CELF2: variants seen among roughly 807,000 people sequenced by gnomAD.
The protein encoded by CELF2 is CUGBP Elav-like family member 2, also known as CUG triplet repeat RNA-binding protein 2.
CELF2 carries 8 observed loss-of-function variants against 62.6 expected under a neutral mutation model. That is an observed-to-expected ratio of 0.13 (90% CI 0.07 to 0.23). The LOEUF (loss-of-function observed/expected upper bound fraction) is 0.23. Among genes scored for constraint, CELF2 ranks in the 10% least tolerant of loss-of-function variants. The probability of loss-of-function intolerance (pLI) is 1.00; values close to 1 mark genes in which losing one functional copy is unlikely to be tolerated. For synonymous variants in CELF2, 258 were observed against 250.0 expected (o/e 1.03, Z -0.30); for missense variants, 333 against 671.0 (o/e 0.50, Z 5.56).
rs1046465619 is a variant in CELF2, at chr10:11,306,678, G to C, written c.977-7461G>C. On this transcript the variant is annotated intron_variant, in intron 9 of 12. Coordinates refer to ENST00000633077, the MANE Select transcript of CELF2 (RefSeq NM_001326342.2). The surrounding 1 kb of genome is among the most constrained non-coding windows in gnomAD (Gnocchi z 4.4). ...TGTCTGATGATGTAGAGTGCACAGG[G>C]AGTCTTTCCACTTTAAGGCAAGTCA... 6.6e-6 allele frequency among the ~76,000 whole-genome samples: 1 copy of C among 152,140 alleles called. No homozygotes were observed. The highest frequency in any genetic ancestry group is 2.4e-5 in the African/African-American group (1 of 41,414).
intron 1 of CELF2, among the ~76,000 whole-genome samples, chr10:11,148,195 C>T (rs753462414): frequency 3.3e-5 from 5 of 152,118 alleles, no homozygotes; most frequent in African/African-American, 4.8e-5. Context: ...GTATTTCAGC[C>T]GTACTAATAT....
chr10:10,547,296 T>A, the CELF2 span, among the ~76,000 whole-genome samples: 1 of 152,172 alleles, frequency 6.6e-6, no homozygotes, highest in African/African-American at 2.4e-5. Flanking sequence ...TGACCCACAG[T>A]GCCGAATGCC....
intron 2 of CELF2, among the ~76,000 whole-genome samples, chr10:10,974,643 C>G (rs2051129995): frequency 6.6e-6 from 1 of 152,220 alleles, no homozygotes. Flanking sequence ...GCCATCCCCT[C>G]TGGTTACGTG....
At position 10,983,859 on chromosome 10, in the gene CELF2, C is replaced by T. The variant is rs150835826; in HGVS notation, c.89+63860C>T. ...GGATTACAGGCATGAGCTACCACGC[C>T]TGGCCGATATATCTGTTATTAATGT... On this transcript the variant is annotated intron_variant, in intron 2 of 13. Transcript: ENST00000636488. This position sits in a 1 kb window ranked among gnomAD's most constrained non-coding sequence, Gnocchi z 5.2. Among the ~76,000 whole-genome samples, 272 of 152,356 alleles carry T rather than the reference C, an allele frequency of 1.8e-3. 1 individual carries two copies. Among genetic ancestry groups the T allele is most frequent in the African/African-American group, 6.1e-3 (252 of 41,586 alleles).
chr10:10,913,379 C>CTTTTTTTTT lies in CELF2; in HGVS notation c.54-6565_54-6557dup, dbSNP rs34163796. 5.6e-4 allele frequency among the ~76,000 whole-genome samples: 32 copies of CTTTTTTTTT among 57,360 alleles called. 2 individuals carry two copies. The highest frequency in any genetic ancestry group is 7.7e-4 in the Non-Finnish European group (27 of 34,860). The allele number at this position is 57,360 out of a possible 152,430, so 37.6% of individuals were successfully genotyped here. A position where few individuals can be genotyped will look rare whatever the true frequency, so the allele number is the denominator to read the frequency against. ...AATATATATGCCTTTGTAATGATGTCTTTTTTTTTTTTTTTTTTTTTTTTT... is the reference window on the plus strand; with the variant it reads ...AATATATATGCCTTTGTAATGATGTCTTTTTTTTTTTTTTTTTTTTTTTTTTTTTTTTTT... On this transcript the variant is annotated intron_variant, in intron 1 of 13. Coordinates refer to the CELF2 transcript ENST00000636488.
the CELF2 span, among the ~76,000 whole-genome samples, chr10:10,512,401 C>CTTTTTTTTTTT: frequency 1.8e-5 from 2 of 109,148 alleles, no homozygotes; most frequent in African/African-American, 3.4e-5. Flanking sequence ...TTTTGGAACG[C>CTTTTTTTTTTT]TTTTTTTTTT....
At chr10:10,649,324 G>A in the CELF2 span, among the ~76,000 whole-genome samples, 2 of 152,296 alleles carry the variant, frequency 1.3e-5, no homozygotes, top group Middle Eastern at 3.4e-3. Flanking sequence ...GTCAGAAATT[G>A]TAATTAGATA....
intron 1 of CELF2, among the ~76,000 whole-genome samples, chr10:10,802,131 T>C (rs2054727987): frequency 6.6e-6 from 1 of 152,142 alleles, no homozygotes; most frequent in Admixed American, 6.5e-5. Context: ...TAAAGTATTC[T>C]TGGTACACAG....
At chr10:11,099,216 A>T (rs1193475571) in intron 1 of CELF2, among the ~76,000 whole-genome samples, 1 of 152,168 alleles carries the variant, frequency 6.6e-6, no homozygotes, top group African/African-American at 2.4e-5. Flanking sequence ...TTTTAATACC[A>T]CTGTGTTGCA....
chr10:10,842,813 T>G (rs2058766653), intron 1 of CELF2, among the ~76,000 whole-genome samples: 1 of 152,094 alleles, frequency 6.6e-6, no homozygotes, highest in Non-Finnish European at 1.5e-5. Context: ...ACAGAATGAT[T>G]TAGGAAGCAC....
At chr10:11,094,558 C>A (rs768756189) in intron 1 of CELF2, among the ~76,000 whole-genome samples, 2 of 152,136 alleles carry the variant, frequency 1.3e-5, no homozygotes, top group Non-Finnish European at 2.9e-5. Flanking sequence ...TAGCAACCAG[C>A]TTTTTCCTGA....
chr10:10,672,086 G>A, the CELF2 span, among the ~76,000 whole-genome samples: 2 of 152,030 alleles, frequency 1.3e-5, no homozygotes, highest in African/African-American at 4.8e-5. Flanking sequence ...TTTTAACTGG[G>A]TTGTTTATTT....
chr10:11,252,456 C>T (rs1469843966), intron 4 of CELF2, among the ~76,000 whole-genome samples: 1 of 152,200 alleles, frequency 6.6e-6, no homozygotes, highest in Admixed American at 6.5e-5. Flanking sequence ...TGTGCTGAGC[C>T]AGAAAGAGCT....
intron 10 of CELF2, among the ~76,000 whole-genome samples, chr10:11,320,140 T>G (rs1408797374): frequency 6.6e-6 from 1 of 152,226 alleles, no homozygotes; most frequent in Non-Finnish European, 1.5e-5. Flanking sequence ...AATTGTGATG[T>G]CACCTCTTCC....
the CELF2 span, among the ~76,000 whole-genome samples, chr10:10,615,349 C>T: frequency 1.3e-5 from 2 of 152,220 alleles, no homozygotes; most frequent in Non-Finnish European, 2.9e-5. Context: ...TTTGGGTTGT[C>T]AGATGGATGC....
chr10:11,229,818 A>T (rs2067974465), intron 3 of CELF2, among the ~76,000 whole-genome samples: 1 of 152,054 alleles, frequency 6.6e-6, no homozygotes, highest in Non-Finnish European at 1.5e-5. Flanking sequence ...TTGAACTCCT[A>T]ACCTCAAGTG....
At chr10:10,927,346 T>TAAAAAAAAAAAAAAAAAA (rs34283995) in intron 2 of CELF2, 84 of 85,780 alleles carry the variant, frequency 9.8e-4, no homozygotes, top group Non-Finnish European at 1.1e-3. Flanking sequence ...CTAGTGACAT[T>TAAAAAAAAAAAAAAAAAA]AAAAAAAAAA....
At chr10:11,131,630 G>A (rs1214699629) in intron 1 of CELF2, among the ~76,000 whole-genome samples, 1 of 152,188 alleles carries the variant, frequency 6.6e-6, no homozygotes, top group African/African-American at 2.4e-5. Context: ...ATGGATCCAT[G>A]GAGGAAGGTG....
At chr10:11,320,728 A>G in intron 10 of CELF2, 1 of 986,850 alleles carries the variant, frequency 1.0e-6, no homozygotes, top group Middle Eastern at 2.1e-4. Context: ...GTTTTATTTC[A>G]TCCTTTCCTC....
Sources: gnomAD v4.1 joint callset for allele counts (sites outside exome capture counted in the v4.1 genomes callset) on GRCh38, gnomAD v4.1.1 for gene constraint, Gnocchi (gnomAD v3.1) non-coding constraint, MANE v1.5 for transcripts, NCBI Gene and HGNC (gene_info 2026-07-23, HGNC 2026-07-21) for gene names.